Variants in DNER observed in about 807,000 individuals in gnomAD.
The protein encoded by DNER is delta and Notch-like epidermal growth factor-related receptor.
In DNER, 33 loss-of-function variants were observed where a neutral mutation model predicts 78.2. That is an observed-to-expected ratio of 0.42 (90% CI 0.32 to 0.56). DNER has a LOEUF of 0.56. Among genes scored for constraint, DNER ranks in the 20% least tolerant of loss-of-function variants. The pLI is 0.11. For missense variants in DNER, 918 were observed against 975.3 expected, an observed-to-expected ratio of 0.94 and a Z score of 0.78; for synonymous variants, 417 against 384.8, an observed-to-expected ratio of 1.08 and a Z score of -0.98.
intron 6 of DNER, among the ~76,000 whole-genome samples, chr2:229,500,313 A>G (rs1695591432): frequency 6.6e-6 from 1 of 152,222 alleles, no homozygotes; most frequent in African/African-American, 2.4e-5. Context: ...ATCATCAGGG[A>G]AGTGTCAATT....
intron 10 of DNER, among the ~76,000 whole-genome samples, chr2:229,398,729 T>C (rs1277846424): frequency 6.6e-6 from 1 of 152,028 alleles, no homozygotes; most frequent in African/African-American, 2.4e-5. Flanking sequence ...AGCAAAGTAT[T>C]ATATAAAATG....
chr2:229,630,233 T>C (rs1453704253), intron 1 of DNER, among the ~76,000 whole-genome samples: 2 of 152,082 alleles, frequency 1.3e-5, no homozygotes, highest in Non-Finnish European at 2.9e-5. Flanking sequence ...CCCAGCACTT[T>C]GGGAGACTGA....
chr2:229,689,828 G>A (rs1699538803), intron 1 of DNER, among the ~76,000 whole-genome samples: 1 of 152,198 alleles, frequency 6.6e-6, no homozygotes, highest in Non-Finnish European at 1.5e-5. Flanking sequence ...GAAAAAGGTG[G>A]TTTGCCCAGG....
At chr2:229,546,887 T>C (rs373523745) in intron 5 of DNER, 60 bp downstream of exon 5, 1 of 1,604,602 alleles carries the variant, frequency 6.2e-7, no homozygotes, top group Admixed American at 1.7e-5. Context: ...ACTTATGTAT[T>C]TATTCAGGTA....
chr2:229,490,579 G>A (rs1262220497), intron 6 of DNER, among the ~76,000 whole-genome samples: 1 of 152,064 alleles, frequency 6.6e-6, no homozygotes, highest in Non-Finnish European at 1.5e-5. Flanking sequence ...CTGGGGGGTG[G>A]GGAGGATGGT....
At chr2:229,569,983 A>G (rs1377382986) in intron 4 of DNER, among the ~76,000 whole-genome samples, 1 of 152,184 alleles carries the variant, frequency 6.6e-6, no homozygotes, top group Non-Finnish European at 1.5e-5. Context: ...ATTTTCTTCC[A>G]GGAGATCTGT....
chr2:229,666,052 T>C (rs149495674), intron 1 of DNER, among the ~76,000 whole-genome samples: 241 of 152,342 alleles, frequency 1.6e-3, no homozygotes, highest in African/African-American at 5.4e-3. Flanking sequence ...TCCAAGACTC[T>C]GTCCTGTCTT....
At chr2:229,411,904 C>A (rs1311639926) in intron 9 of DNER, among the ~76,000 whole-genome samples, 2 of 152,004 alleles carry the variant, frequency 1.3e-5, no homozygotes, top group African/African-American at 4.8e-5. Flanking sequence ...AGAATGGAAG[C>A]AACACAGATT....
chr2:229,562,583 G>A (rs1367787273), intron 4 of DNER, among the ~76,000 whole-genome samples: 2 of 151,950 alleles, frequency 1.3e-5, no homozygotes, highest in Non-Finnish European at 2.9e-5. Flanking sequence ...CTGATTAGTG[G>A]CTTTACTATG....
chr2:229,590,896 T>G (rs1697591441), intron 2 of DNER, among the ~76,000 whole-genome samples: 1 of 152,210 alleles, frequency 6.6e-6, no homozygotes, highest in African/African-American at 2.4e-5. Context: ...ATGAAAGACT[T>G]AGCACCGTCC....
intron 4 of DNER, among the ~76,000 whole-genome samples, chr2:229,559,560 G>GA (rs879569458): frequency 2.0e-4 from 31 of 151,870 alleles, no homozygotes; most frequent in Non-Finnish European, 4.1e-4. Flanking sequence ...TGGTCTACCA[G>GA]AAAAAAGGAA....
intron 7 of DNER, among the ~76,000 whole-genome samples, chr2:229,463,136 T>G (rs894249153): frequency 6.6e-6 from 1 of 152,076 alleles, no homozygotes; most frequent in Non-Finnish European, 1.5e-5. Context: ...GACCACAGGC[T>G]TCCTGGAGGA....
At chr2:229,476,530 T>A (rs778773519) in intron 7 of DNER, among the ~76,000 whole-genome samples, 1 of 152,186 alleles carries the variant, frequency 6.6e-6, no homozygotes, top group Non-Finnish European at 1.5e-5. Context: ...TAATGTCATG[T>A]TATTCTTACA....
At chr2:229,504,667 T>C (rs1695698578) in intron 6 of DNER, among the ~76,000 whole-genome samples, 1 of 152,216 alleles carries the variant, frequency 6.6e-6, no homozygotes, top group African/African-American at 2.4e-5. Context: ...TCTTTTGACA[T>C]GGAAATGCTG....
chr2:229,714,255 C>T lies in DNER; in HGVS notation c.169G>A (p.Gly57Ser). The change falls in exon 1 of 13, where the codon GGT becomes AGT. Residue 57 changes from glycine to serine, a missense_variant. Gly to Ser is a moderately conservative substitution (Grantham distance 56). Transcript: ENST00000341772. Reference sequence around the variant, plus strand: ...GGCTCAGGGCGCGAGGTGCACACACCCCCATTCCGGCAGGGCTGCGCGGCG... The same window carrying T: ...GGCTCAGGGCGCGAGGTGCACACACTCCCATTCCGGCAGGGCTGCGCGGCG... ...PCAAQPCRNG[G>S]VCTSRPEPDP... The T allele has an allele frequency of 2.8e-6, 4 of 1,411,260 alleles. No homozygotes were observed. Among genetic ancestry groups the T allele is most frequent in the Non-Finnish European group, 3.7e-6 (4 of 1,084,478 alleles). The allele number at this position is 1,411,260 out of a possible 1,614,324, so 87.4% of individuals were successfully genotyped here. A position where few individuals can be genotyped will look rare whatever the true frequency, so the allele number is the denominator to read the frequency against.
intron 4 of DNER, among the ~76,000 whole-genome samples, chr2:229,560,109 T>G (rs115160852): frequency 1.0e-3 from 153 of 152,298 alleles, no homozygotes; most frequent in Admixed American, 2.8e-3. Flanking sequence ...TTCAGGCCAT[T>G]AACTGTTTGT....
intron 4 of DNER, among the ~76,000 whole-genome samples, chr2:229,554,085 A>T (rs980711843): frequency 2.0e-5 from 3 of 152,088 alleles, no homozygotes; most frequent in Non-Finnish European, 4.4e-5. Context: ...TCAAAATACA[A>T]CTTTTTATAA....
chr2:229,634,172 G>A (rs570892909), intron 1 of DNER, among the ~76,000 whole-genome samples: 4 of 152,262 alleles, frequency 2.6e-5, no homozygotes, highest in East Asian at 1.9e-4. Context: ...TGTAACTTTC[G>A]TTAAAAATAT....
intron 6 of DNER, 105 bp from the exon 7 acceptor site, chr2:229,477,358 G>A (rs1305875021): frequency 5.9e-6 from 4 of 680,456 alleles, no homozygotes; most frequent in African/African-American, 1.8e-5. Context: ...AGTGAAGGCA[G>A]TGGCAGCCTT....
Sources: allele counts gnomAD v4.1 joint callset (sites outside exome capture counted in the v4.1 genomes callset), GRCh38; gene constraint gnomAD v4.1.1; transcripts MANE v1.5; gene names NCBI Gene and HGNC (gene_info 2026-07-23, HGNC 2026-07-21).